Variants in ZFAT observed in about 807,000 individuals in gnomAD.
ZFAT encodes zinc finger and AT-hook domain containing.
Under a neutral mutation model 117.7 loss-of-function variants are expected in ZFAT, and 64 were observed. The ratio of observed to expected loss-of-function variants is 0.54; its 90% confidence interval spans 0.44 to 0.67. The LOEUF (loss-of-function observed/expected upper bound fraction) is 0.67. Among genes scored for constraint, ZFAT ranks in the 30% least tolerant of loss-of-function variants. ZFAT has a pLI of 0.00. For missense variants in ZFAT, 1,433 were observed against 1,584.5 expected (o/e 0.90, Z 1.62); for synonymous variants, 679 against 615.0 (o/e 1.10, Z -1.54).
At chr8:134,584,869 T>A (rs967900796) in intron 9 of ZFAT, among the ~76,000 whole-genome samples, 8 of 151,246 alleles carry the variant, frequency 5.3e-5, no homozygotes, top group African/African-American at 9.7e-5. Flanking sequence ...CCAAACGTTT[T>A]CACCCATTAT....
chr8:134,555,251 T>C lies in ZFAT; in HGVS notation c.2976+10082A>G, dbSNP rs560501336. Among the ~76,000 whole-genome samples the C allele has an allele frequency of 2.6e-5, 4 of 151,496 alleles. No individual in the cohort carries two copies. In the South Asian group the frequency reaches 8.3e-4, roughly 31 times the overall value. ...CAACCAGAGATGCTCGTTAGAGACT[T>C]AGTGACTAGAAACTTTAGTGATGGC... On this transcript the variant is annotated intron_variant, in intron 11 of 15. Transcript: ENST00000377838.
chr8:134,743,991 T>C, the ZFAT span, among the ~76,000 whole-genome samples: 1 of 152,250 alleles, frequency 6.6e-6, no homozygotes, highest in African/African-American at 2.4e-5. Flanking sequence ...CTCCTCCGTT[T>C]GTTTTCTATT....
At position 134,658,974 on chromosome 8, in the gene ZFAT, C is replaced by T. The variant is rs529791866; in HGVS notation, c.20-1237G>A. On this transcript the variant is annotated intron_variant, in intron 1 of 15. Transcript: ENST00000377838. Reference sequence around the variant, plus strand: ...ACAACACTGACTCGGCGCAACTCTGCACCCATGGTGTGCCCTCGCCCAGCA... The same window carrying T: ...ACAACACTGACTCGGCGCAACTCTGTACCCATGGTGTGCCCTCGCCCAGCA... 2.8e-3 allele frequency among the ~76,000 whole-genome samples: 426 copies of T among 152,366 alleles called. 2 individuals carry two copies. The highest frequency in any genetic ancestry group is 9.7e-3 in the African/African-American group (405 of 41,586).
chr8:134,524,723 C>A (rs1022543248), intron 12 of ZFAT, among the ~76,000 whole-genome samples: 1 of 152,206 alleles, frequency 6.6e-6, no homozygotes. Context: ...CTGCCTCACA[C>A]CATAGCATGC....
intron 1 of ZFAT, among the ~76,000 whole-genome samples, chr8:134,707,365 G>T (rs1446412812): frequency 6.6e-6 from 1 of 152,128 alleles, no homozygotes; most frequent in Admixed American, 6.6e-5. Context: ...GACTTTGCAT[G>T]CCTAGCAAAC....
intron 11 of ZFAT, among the ~76,000 whole-genome samples, chr8:134,544,457 A>ATTT (rs1563830344): frequency 5.3e-5 from 8 of 151,480 alleles, no homozygotes; most frequent in African/African-American, 2.0e-4. Flanking sequence ...TTTTTTTTTA[A>ATTT]AAAAATTAAA....
At chr8:134,646,438 T>C (rs530624190) in intron 2 of ZFAT, among the ~76,000 whole-genome samples, 1 of 152,154 alleles carries the variant, frequency 6.6e-6, no homozygotes, top group African/African-American at 2.4e-5. Context: ...AAAGAAAGTT[T>C]ATTGCCTACA....
At chr8:134,511,242 AGT>A (rs1235595078) in intron 14 of ZFAT, among the ~76,000 whole-genome samples, 1 of 151,538 alleles carries the variant, frequency 6.6e-6, no homozygotes, top group Non-Finnish European at 1.5e-5. Flanking sequence ...TGAGAGTGAG[AGT>A]GTGTGTGGGG....
chr8:134,534,162 G>A (rs893078051), intron 11 of ZFAT, among the ~76,000 whole-genome samples: 2 of 152,190 alleles, frequency 1.3e-5, no homozygotes, highest in African/African-American at 4.8e-5. Context: ...TTTCATCAGG[G>A]AAATGAGGCT....
intron 10 of ZFAT, among the ~76,000 whole-genome samples, chr8:134,566,099 A>C (rs1824440051): frequency 6.6e-6 from 1 of 152,214 alleles, no homozygotes; most frequent in South Asian, 2.1e-4. Flanking sequence ...GGTCTTAAAA[A>C]GATTAAGGTT....
intron 1 of ZFAT, among the ~76,000 whole-genome samples, chr8:134,687,291 G>A (rs764155864): frequency 5.9e-5 from 9 of 152,188 alleles, no homozygotes; most frequent in African/African-American, 1.2e-4. Context: ...GAGAAATCCC[G>A]TGGGTGTTTC....
the ZFAT span, among the ~76,000 whole-genome samples, chr8:134,719,152 A>G: frequency 2.0e-5 from 3 of 152,212 alleles, no homozygotes; most frequent in Non-Finnish European, 4.4e-5. Context: ...ACTTCACTGA[A>G]CATCCTTTTG....
chr8:134,610,263 C>T (rs571526908), intron 4 of ZFAT, among the ~76,000 whole-genome samples: 24 of 152,220 alleles, frequency 1.6e-4, no homozygotes, highest in Non-Finnish European at 2.8e-4. Flanking sequence ...GCGGCCCTCA[C>T]AGCAGCCCTC....
At chr8:134,729,323 A>C in the ZFAT span, among the ~76,000 whole-genome samples, 3 of 152,210 alleles carry the variant, frequency 2.0e-5, no homozygotes, top group African/African-American at 7.2e-5. Context: ...CCACCTCGCC[A>C]TTCTTTTTTT....
At chr8:134,653,271 A>T (rs28366667) in intron 2 of ZFAT, among the ~76,000 whole-genome samples, 35,707 of 75,704 alleles carry the variant, frequency 0.47, 6,320 homozygotes, top group African/African-American at 0.58. Flanking sequence ...TGTCTTTTTT[A>T]AAAAAAAAAA....
chr8:134,533,390 A>C (rs1371762641), intron 11 of ZFAT, among the ~76,000 whole-genome samples: 1 of 152,216 alleles, frequency 6.6e-6, no homozygotes. Context: ...CATTTCACTC[A>C]ACTACAGACT....
chr8:134,806,119 A>G, the ZFAT span, among the ~76,000 whole-genome samples: 1 of 152,244 alleles, frequency 6.6e-6, no homozygotes, highest in African/African-American at 2.4e-5. Flanking sequence ...TACATACATG[A>G]GCATGCATAT....
rs148592674 is a variant in ZFAT, at chr8:134,516,732, T to C, written c.3235-4131A>G. Among the ~76,000 whole-genome samples, 284 of 152,222 alleles carry C rather than the reference T, an allele frequency of 1.9e-3. 1 individual carries two copies. The highest frequency in any genetic ancestry group is 6.5e-3 in the African/African-American group (272 of 41,536). The stretch of plus-strand genomic sequence containing the variant: ...ATAATCCTATCTACTTGGAAGATAG[T>C]AGATAGGACTATCTACTGTCTCCTG... On this transcript the variant is annotated intron_variant, in intron 13 of 15. Coordinates refer to ENST00000377838, the MANE Select transcript of ZFAT (RefSeq NM_020863.4).
the ZFAT span, among the ~76,000 whole-genome samples, chr8:134,770,143 T>C: frequency 5.3e-5 from 8 of 152,338 alleles, no homozygotes; most frequent in African/African-American, 1.7e-4. Context: ...TCCTTACCTA[T>C]GCAAATTTCT....
Sources: allele counts gnomAD v4.1 joint callset (sites outside exome capture counted in the v4.1 genomes callset), GRCh38; gene constraint gnomAD v4.1.1; transcripts MANE v1.5; gene names NCBI Gene and HGNC (gene_info 2026-07-23, HGNC 2026-07-21).